Variants in KRT85 observed in about 807,000 individuals in gnomAD.
KRT85 encodes keratin, type II cuticular Hb5.
KRT85 carries 39 observed loss-of-function variants against 53.7 expected under a neutral mutation model. The observed-to-expected ratio is 0.73, with a 90% CI of 0.56 to 0.95. The LOEUF (loss-of-function observed/expected upper bound fraction) is 0.95. KRT85 is among the 40% of genes least tolerant of loss of function. The pLI is 0.00. For missense variants in KRT85, 668 were observed against 686.0 expected (o/e 0.97, Z 0.29); for synonymous variants, 291 against 277.5 (o/e 1.05, Z -0.48).
chr12:52,360,772 A>G lies in KRT85; in HGVS notation c.*81T>C, dbSNP rs1939177539. On this transcript the variant is annotated 3_prime_UTR_variant, in exon 9 of 9. Coordinates refer to ENST00000257901, the MANE Select transcript of KRT85 (RefSeq NM_002283.4). ...TCCAGAAGATTCTGGAAGCAAGCAC[A>G]CATTTTCCATTCACATGCCATTCAG... 2 of 1,430,096 alleles carry G rather than the reference A, an allele frequency of 1.4e-6. No individual in the cohort carries two copies. The highest frequency in any genetic ancestry group is 2.8e-5 in the African/African-American group (2 of 71,246). The allele number at this position is 1,430,096 out of a possible 1,614,324, so 88.6% of individuals were successfully genotyped here.
rs766901190 is a variant in KRT85 at position 52,362,910 on chromosome 12, C to T, written c.1021G>A (p.Glu341Lys). The T allele has an allele frequency of 1.2e-5, 20 of 1,613,996 alleles. No individual in the cohort carries two copies. The highest frequency in any genetic ancestry group is 1.5e-5 in the Non-Finnish European group (18 of 1,180,030). ...AGCCTCTGGATCATGCGGTTCAGCTCGTTGATCTCCTCCTTGGTGCGGCGC... is the reference window on the plus strand; with the variant it reads ...AGCCTCTGGATCATGCGGTTCAGCTTGTTGATCTCCTCCTTGGTGCGGCGC... ...TLRRTKEEIN[E>K]LNRMIQRLTA... The change falls in exon 6 of 9, where the codon GAG becomes AAG. Residue 341 changes from glutamate to lysine, a missense_variant. Coordinates refer to ENST00000257901, the MANE Select transcript of KRT85 (RefSeq NM_002283.4).
chr12:52,362,959 C>A lies in KRT85; in HGVS notation c.972G>T (p.Thr324=), dbSNP rs774088806. The A allele has an allele frequency of 2.5e-6, 4 of 1,614,032 alleles. No individual in the cohort carries two copies. The Admixed American group carries it at 5.0e-5, about 20-fold the overall frequency. Residue 324 remains threonine (T), a synonymous_variant, in exon 6 of 9, where the codon ACG becomes ACT. Coordinates refer to ENST00000257901, the MANE Select transcript of KRT85 (RefSeq NM_002283.4). ...YRSKCEEMKA[T]VIRHGETLRR... is the part of the protein sequence containing the mutation. ...GCAGGGTCTCCCCATGCCTGATCAC[C>A]GTGGCCTTCATCTCCTCACACTGGA...
At chr12:52,361,399 A>C in intron 8 of KRT85, 68 bp downstream of exon 8, 6 of 1,392,926 alleles carry the variant, frequency 4.3e-6, no homozygotes, top group Non-Finnish European at 6.1e-6. Context: ...TCCATGGGTT[A>C]GGCCAATGAG....
At position 52,365,043 on chromosome 12, in the gene KRT85, G is replaced by A. The variant is rs1231039455; in HGVS notation, c.548C>T (p.Ala183Val). Residue 183 changes from alanine (A) to valine (V), a missense_variant, in exon 2 of 9, where the codon GCC becomes GTC. Around this residue, in one of 3 missense-constraint regions of KRT85, gnomAD observed 488 missense variants for 498.1 expected, o/e 0.98. Coordinates refer to ENST00000257901, the MANE Select transcript of KRT85 (RefSeq NM_002283.4). The stretch of plus-strand genomic sequence containing the variant: ...CCCGCTGTCGGCCTCCACGCACTCG[G>A]CCTCCCGCCGCAGAGTCTCGATGTA... ...SGYIETLRRE[A>V]ECVEADSGRL... 6.2e-7 allele frequency: 1 copy of A among 1,613,464 alleles called. No homozygotes were observed.
intron 2 of KRT85, 116 bp downstream of exon 2, chr12:52,364,846 G>A: frequency 6.3e-7 from 1 of 1,577,234 alleles, no homozygotes; most frequent in Non-Finnish European, 8.7e-7. Context: ...TCTGCTCTGG[G>A]TTCCAGGCAG....
chr12:52,360,820 T>G lies in KRT85; in HGVS notation c.*33A>C, dbSNP rs1592140463. The G allele has an allele frequency of 6.2e-7, 1 of 1,604,482 alleles. No homozygotes were observed. Among genetic ancestry groups the G allele is most frequent in the East Asian group, 2.2e-5 (1 of 44,824 alleles). ...CAGTGCAGTGATGCAGGCAGGCAGG[T>G]GCTTGGCAGGAAGCCCTGGCTCCAT... On this transcript the variant is annotated 3_prime_UTR_variant, in exon 9 of 9. Transcript: ENST00000257901.
Position 52,362,897 on chromosome 12 carries a change from A to T in KRT85, c.1034T>A (p.Met345Lys). 6.2e-7 allele frequency: 1 copy of T among 1,614,150 alleles called. No homozygotes were observed. Among genetic ancestry groups the T allele is most frequent in the Non-Finnish European group, 8.5e-7 (1 of 1,180,036 alleles). ...AATCTCGGCCGTCAGCCTCTGGATC[A>T]TGCGGTTCAGCTCGTTGATCTCCTC... is the stretch of plus-strand genomic sequence containing the variant. ...TKEEINELNR[M>K]IQRLTAEIEN... Residue 345 changes from methionine (M) to lysine (K), a missense_variant, in exon 6 of 9, where the codon ATG (methionine) becomes AAG (lysine). This residue lies in a region of KRT85 where 488 missense variants were observed against 498.1 expected (regional missense o/e 0.98). Transcript: ENST00000257901.
intron 1 of KRT85, among the ~76,000 whole-genome samples, chr12:52,366,463 G>C (rs1939272277): frequency 6.6e-6 from 1 of 152,142 alleles, no homozygotes; most frequent in Non-Finnish European, 1.5e-5. Context: ...ATGGCTGTGG[G>C]CATTACCCCA....
Position 52,360,748 on chromosome 12 carries a change from C to T in KRT85, c.*105G>A, listed in dbSNP as rs1041658451. 7.7e-7 allele frequency: 1 copy of T among 1,304,584 alleles called. No individual in the cohort carries two copies. Among genetic ancestry groups the T allele is most frequent in the African/African-American group, 1.4e-5 (1 of 69,000 alleles). The allele number at this position is 1,304,584 out of a possible 1,614,324, so 80.8% of individuals were successfully genotyped here. ...TAGGTCTTTCCCTCTGTAGGAACAT[C>T]CAGAAGATTCTGGAAGCAAGCACAC... On this transcript the variant is annotated 3_prime_UTR_variant, in exon 9 of 9. Transcript: ENST00000257901.
intron 6 of KRT85, among the ~76,000 whole-genome samples, 179 bp downstream of exon 6, chr12:52,362,675 A>G (rs942804610): frequency 6.6e-6 from 1 of 152,202 alleles, no homozygotes; most frequent in African/African-American, 2.4e-5. Flanking sequence ...AGGGTGGCCA[A>G]GGAAGGGGCT....
rs1019664625 is a variant in KRT85 at position 52,360,415 on chromosome 12, A to G, written c.*438T>C. On this transcript the variant is annotated 3_prime_UTR_variant, in exon 9 of 9. Transcript: ENST00000257901. ...TGCTGGGGGACCATTCTTCCCAGCC[A>G]GGAGGAGGGGGCTGCTGGGGAGGGA... The G allele has an allele frequency of 2.5e-5, 6 of 241,814 alleles. No homozygotes were observed. The highest frequency in any genetic ancestry group is 4.9e-5 in the Non-Finnish European group (6 of 122,182). 15.0% of individuals were successfully genotyped at this position (241,814 alleles called of 1,614,324 possible).
rs1939252746 is a variant in KRT85, at chr12:52,365,110, G to C, written c.481C>G (p.Gln161Glu). The stretch of plus-strand genomic sequence containing the variant: ...TCCAGGTTGCTCTCGCAGCAGCGCT[G>C]GTTCTGGTAGAACTGCCACTTGGTC... ...LETKWQFYQN[Q>E]RCCESNLEPL... The change falls in exon 2 of 9, where the codon CAG becomes GAG. Residue 161 changes from glutamine to glutamate, a missense_variant. By Grantham distance (29) the Gln-to-Glu change is conservative (BLOSUM62 2). Around this residue, in one of 3 missense-constraint regions of KRT85, gnomAD observed 488 missense variants for 498.1 expected, o/e 0.98. Transcript: ENST00000257901. 1 of 1,614,108 alleles carries C rather than the reference G, an allele frequency of 6.2e-7. No individual in the cohort carries two copies. The highest frequency in any genetic ancestry group is 1.3e-5 in the African/African-American group (1 of 74,952).
chr12:52,365,238 C>G (rs936277759), intron 1 of KRT85, 68 bp from the exon 2 acceptor site: 11 of 1,541,926 alleles, frequency 7.1e-6, no homozygotes, highest in African/African-American at 1.4e-5. Context: ...CCCACAGTCT[C>G]TCTGCCCTCG....
At chr12:52,364,880 G>A (rs1939248589) in intron 2 of KRT85, 82 bp downstream of exon 2, 2 of 1,608,122 alleles carry the variant, frequency 1.2e-6, no homozygotes, top group East Asian at 4.5e-5. Context: ...TCTGAAAGAA[G>A]CTGTGGCAAG....
chr12:52,362,847 A>AC lies in KRT85; in HGVS notation c.1077+6dup. 6.2e-7 allele frequency: 1 copy of AC among 1,613,254 alleles called. No individual in the cohort carries two copies. Among genetic ancestry groups the AC allele is most frequent in the Non-Finnish European group, 8.5e-7 (1 of 1,179,800 alleles). On this transcript the variant is annotated splice_region_variant and intron_variant, in intron 6 of 8. Coordinates refer to ENST00000257901, the MANE Select transcript of KRT85 (RefSeq NM_002283.4). ...TGCTGCGTATTTGAATCCTCCACAG[A>AC]CCCCACCTGGCACTTGGCATTCTCA...
intron 1 of KRT85, 119 bp downstream of exon 1, chr12:52,366,867 G>T (rs1040763795): frequency 6.5e-7 from 1 of 1,532,498 alleles, no homozygotes; most frequent in South Asian, 1.1e-5. Context: ...GTATGGGTCT[G>T]CACGTCATTC....
chr12:52,360,902 C>T lies in KRT85; in HGVS notation c.1475G>A (p.Arg492His), dbSNP rs117675131. 3.4e-5 allele frequency: 55 copies of T among 1,612,336 alleles called. No individual in the cohort carries two copies. Among genetic ancestry groups the T allele is most frequent in the Middle Eastern group, 4.3e-4 (2 of 4,698 alleles). Residue 492 changes from arginine (R) to histidine (H), a missense_variant, in exon 9 of 9, where the codon CGT becomes CAT. By Grantham distance (29) the Arg-to-His change is conservative (BLOSUM62 0). Coordinates refer to ENST00000257901, the MANE Select transcript of KRT85 (RefSeq NM_002283.4). ...ACTCCCGCAGCTGAAGCTGGAGGAACGAGGCTGGCAGGGGGCACAGGAGTC... is the reference window on the plus strand; with the variant it reads ...ACTCCCGCAGCTGAAGCTGGAGGAATGAGGCTGGCAGGGGGCACAGGAGTC... ...APDSCAPCQP[R>H]SSSFSCGSSR...
intron 4 of KRT85, 101 bp from the exon 5 acceptor site, chr12:52,363,511 A>G: frequency 7.6e-7 from 1 of 1,321,166 alleles, no homozygotes; most frequent in Non-Finnish European, 1.1e-6. Flanking sequence ...GGCACTGGTC[A>G]TGAAGGTTAC....
intron 1 of KRT85, among the ~76,000 whole-genome samples, chr12:52,366,524 C>T (rs776716600): frequency 9.9e-5 from 15 of 152,272 alleles, no homozygotes; most frequent in East Asian, 1.9e-4. Flanking sequence ...TTGGTCTCCC[C>T]GTTATCTCCC....
Sources: gnomAD v4.1 joint callset for allele counts (sites outside exome capture counted in the v4.1 genomes callset) on GRCh38, gnomAD v4.1.1 for gene constraint, gnomAD v4.1.1 regional missense constraint, MANE v1.5 for transcripts, NCBI Gene and HGNC (gene_info 2026-07-23, HGNC 2026-07-21) for gene names.